The following EIF2S3 variants were observed in gnomAD, a reference collection of about 807,000 sequenced individuals.
EIF2S3 encodes the protein eukaryotic translation initiation factor 2 subunit 3.
EIF2S3 carries 2 observed loss-of-function variants against 31.7 expected under a neutral mutation model. The observed-to-expected ratio is 0.06, with a 90% CI of 0.03 to 0.20. The LOEUF is 0.20. EIF2S3 is among the 10% of genes least tolerant of loss of function. EIF2S3 has a pLI of 1.00. For missense variants in EIF2S3, 96 were observed against 359.3 expected, an observed-to-expected ratio of 0.27 and a Z score of 5.92; for synonymous variants, 120 against 126.7, an observed-to-expected ratio of 0.95 and a Z score of 0.36.
At chrX:24,070,763 A>G (rs759773164) in intron 9 of EIF2S3, among the ~76,000 whole-genome samples, 5 of 111,527 alleles carry the variant, frequency 4.5e-5, no homozygotes, top group East Asian at 5.7e-4. Flanking sequence ...CTATCTTTTC[A>G]ATCAGTCTTT....
In EIF2S3 at chrX:24,073,075, T is replaced by A. The variant is rs1414588728; in HGVS notation, c.1183-16T>A. ...CTTGATTTTGGGGTTTATTTTTCCC[T>A]AATTTATTTTTCTAGGTTCAAAAGC... is the stretch of plus-strand genomic sequence containing the variant. On this transcript the variant is annotated splice_polypyrimidine_tract_variant and intron_variant, in intron 10 of 11. Transcript: ENST00000253039. The A allele has an allele frequency of 8.4e-7, 1 of 1,189,270 alleles. No individual in the cohort carries two copies. Among genetic ancestry groups the A allele is most frequent in the Admixed American group, 2.4e-5 (1 of 41,465 alleles).
At position 24,057,458 on chromosome X, in the gene EIF2S3, C is replaced by T. The variant is rs778681778; in HGVS notation, c.171C>T (p.Val57=). The T allele has an allele frequency of 8.3e-6, 10 of 1,207,185 alleles. No homozygotes were observed. The highest frequency in any genetic ancestry group is 7.1e-5 in the South Asian group (4 of 56,075). Residue 57 remains valine, a synonymous_variant, in exon 3 of 12, where the codon GTC becomes GTT. Transcript: ENST00000253039. The part of the protein sequence containing the change: ...IGHVAHGKST[V]VKAISGVHTV... ...ATGTAGCTCATGGGAAATCCACAGT[C>T]GTCAAAGCTATTTCTGGAGTTCATA...
chrX:24,064,164 C>G lies in EIF2S3; in HGVS notation c.638-37C>G, dbSNP rs751619416. 4.7e-6 allele frequency: 5 copies of G among 1,071,210 alleles called. No homozygotes were observed. In the South Asian group the frequency reaches 1.1e-4, roughly 24 times the overall value. 88.3% of individuals were successfully genotyped at this position (1,071,210 alleles called of 1,213,427 possible). A position where few individuals can be genotyped will look rare whatever the true frequency, so the allele number is the denominator to read the frequency against. ...GATACATAGAATAAATTTTATAAAA[C>G]TGTATAATTTTGATCTTTCTAAATT... On this transcript the variant is annotated intron_variant, in intron 6 of 11. Coordinates refer to ENST00000253039, the MANE Select transcript of EIF2S3 (RefSeq NM_001415.4).
At chrX:24,059,494 C>T (rs911471780) in intron 4 of EIF2S3, among the ~76,000 whole-genome samples, 32 of 108,383 alleles carry the variant, frequency 3.0e-4, no homozygotes, top group African/African-American at 8.5e-4. Context: ...GCTATCTTGG[C>T]GCATTGCAAC....
In EIF2S3 at chrX:24,062,094, G is replaced by A. The variant is rs186052349; in HGVS notation, c.479-322G>A. ...ATTAGATGCCAACTTTTTTTGGGGC[G>A]GGGAGTGGGTGGCAAAAGAGACTCA... On this transcript the variant is annotated intron_variant, in intron 5 of 11. Transcript: ENST00000253039. 3.2e-3 allele frequency among the ~76,000 whole-genome samples: 358 copies of A among 110,853 alleles called. 3 individuals are homozygous for A. Among genetic ancestry groups the A allele is most frequent in the Non-Finnish European group, 4.9e-3 (257 of 52,931 alleles).
intron 8 of EIF2S3, among the ~76,000 whole-genome samples, chrX:24,066,673 C>G (rs1159843860): frequency 9.0e-6 from 1 of 110,526 alleles, no homozygotes. Context: ...CCCACCATGC[C>G]CAGCTAATTT....
At chrX:24,065,054 C>T (rs1930550702) in intron 7 of EIF2S3, among the ~76,000 whole-genome samples, 1 of 111,731 alleles carries the variant, frequency 9.0e-6, no homozygotes, top group Non-Finnish European at 1.9e-5. Flanking sequence ...TAGTAGCCTT[C>T]TCGAAACAGA....
chrX:24,071,601 A>G lies in EIF2S3; in HGVS notation c.1056A>G (p.Arg352=). 8.3e-7 allele frequency: 1 copy of G among 1,210,183 alleles called. No individual in the cohort carries two copies. The highest frequency in any genetic ancestry group is 1.1e-6 in the Non-Finnish European group (1 of 895,245). ...ACCCCACTTTGTGCCGGGCTGACAG[A>G]ATGGTGGGGCAAGTACTTGGTGCAG... is the stretch of plus-strand genomic sequence containing the variant. ...KIDPTLCRAD[R]MVGQVLGAVG... Residue 352 remains arginine, a synonymous_variant, in exon 10 of 12, where the codon AGA becomes AGG. Transcript: ENST00000253039.
chrX:24,064,829 C>CA (rs755380343), intron 7 of EIF2S3, among the ~76,000 whole-genome samples: 182 of 111,255 alleles, frequency 1.6e-3, no homozygotes, highest in African/African-American at 5.3e-3. Flanking sequence ...AACTGCGTCT[C>CA]AAAAAAACCC....
At chrX:24,074,305 G>A (rs193255747) in intron 11 of EIF2S3, among the ~76,000 whole-genome samples, 42 of 112,152 alleles carry the variant, frequency 3.7e-4, no homozygotes, top group Non-Finnish European at 6.9e-4. Flanking sequence ...ATTAGATTCA[G>A]TTATATATTC....
At chrX:24,064,644 A>G (rs1399922158) in intron 7 of EIF2S3, among the ~76,000 whole-genome samples, 1 of 111,995 alleles carries the variant, frequency 8.9e-6, no homozygotes, top group Non-Finnish European at 1.9e-5. Context: ...CCTGATCAGC[A>G]TGGTGAAACC....
At chrX:24,060,358 A>C (rs1930471719) in intron 5 of EIF2S3, 176 bp downstream of exon 5, 2 of 423,516 alleles carry the variant, frequency 4.7e-6, no homozygotes, top group Non-Finnish European at 8.2e-6. Flanking sequence ...AAAATACTCA[A>C]AAAGATAGAC....
At chrX:24,055,974 G>A (rs1486323519) in intron 2 of EIF2S3, among the ~76,000 whole-genome samples, 1 of 111,930 alleles carries the variant, frequency 8.9e-6, no homozygotes, top group African/African-American at 3.2e-5. Context: ...AAATGTGGCT[G>A]TACTTGACAC....
chrX:24,074,784 C>T (rs994088410), intron 11 of EIF2S3, among the ~76,000 whole-genome samples: 7 of 106,350 alleles, frequency 6.6e-5, no homozygotes, highest in South Asian at 4.1e-4. Context: ...GTGCATTGTT[C>T]GACGTTTGGC....
chrX:24,063,607 CTG>C (rs1351615615), intron 6 of EIF2S3, among the ~76,000 whole-genome samples: 2 of 110,860 alleles, frequency 1.8e-5, no homozygotes, highest in East Asian at 5.7e-4. Context: ...TGGTAAAACT[CTG>C]TCAATACAAA....
chrX:24,055,647 A>G lies in EIF2S3; in HGVS notation c.102A>G (p.Glu34=), dbSNP rs768638930. The change falls in exon 2 of 12, where the codon GAA becomes GAG. Residue 34 remains glutamate, a synonymous_variant. Coordinates refer to ENST00000253039, the MANE Select transcript of EIF2S3 (RefSeq NM_001415.4). ...CCAAGTTGACGCCACTTTCACACGA[A>G]GTTATCAGCAGACAAGCCACAATTA... ...DVTKLTPLSH[E]VISRQATINI... 8.3e-7 allele frequency: 1 copy of G among 1,211,695 alleles called. No individual in the cohort carries two copies. The highest frequency in any genetic ancestry group is 1.8e-5 in the South Asian group (1 of 57,044).
intron 1 of EIF2S3, among the ~76,000 whole-genome samples, 177 bp downstream of exon 1, chrX:24,055,214 A>G (rs932547231): frequency 4.5e-5 from 5 of 111,731 alleles, no homozygotes; most frequent in Non-Finnish European, 9.4e-5. Flanking sequence ...AGGCCAGTCC[A>G]CGATCTGGGC....
intron 10 of EIF2S3, among the ~76,000 whole-genome samples, chrX:24,072,471 C>T (rs1019411586): frequency 9.1e-6 from 1 of 110,097 alleles, no homozygotes; most frequent in African/African-American, 3.3e-5. Context: ...TTTGTAGAGA[C>T]GGAGTTTTGC....
chrX:24,062,223 C>G (rs1352357252), intron 5 of EIF2S3, among the ~76,000 whole-genome samples, 193 bp from the exon 6 acceptor site: 3 of 110,639 alleles, frequency 2.7e-5, no homozygotes, highest in Non-Finnish European at 3.8e-5. Flanking sequence ...CTATCTAGTT[C>G]CAGAACTTTT....
Sources: allele counts gnomAD v4.1 joint callset (sites outside exome capture counted in the v4.1 genomes callset), GRCh38; gene constraint gnomAD v4.1.1; transcripts MANE v1.5; gene names NCBI Gene and HGNC (gene_info 2026-07-23, HGNC 2026-07-21).